Variants in SPATA13 observed in about 807,000 individuals in gnomAD.
The protein encoded by SPATA13 is spermatogenesis associated 13.
In SPATA13, 50 loss-of-function variants were observed where a neutral mutation model predicts 104.0. The observed-to-expected ratio is 0.48, with a 90% CI of 0.38 to 0.61. The LOEUF (loss-of-function observed/expected upper bound fraction) is 0.61, where lower values mean the gene tolerates loss of function less well. Ranked by LOEUF, SPATA13 falls within the 20% of genes least tolerant of loss-of-function variation. The pLI is 0.00. For synonymous variants in SPATA13, 606 were observed against 667.5 expected (o/e 0.91, Z 1.42); for missense variants, 1,524 against 1,690.6 (o/e 0.90, Z 1.73).
At chr13:24,048,752 G>A (rs925589960) in intron 3 of SPATA13, among the ~76,000 whole-genome samples, 1 of 152,094 alleles carries the variant, frequency 6.6e-6, no homozygotes, top group African/African-American at 2.4e-5. Flanking sequence ...CTCTCATAAA[G>A]TGTCCCTAAA....
At chr13:24,040,744 C>T (rs917991601) in intron 3 of SPATA13, among the ~76,000 whole-genome samples, 1 of 152,212 alleles carries the variant, frequency 6.6e-6, no homozygotes, top group African/African-American at 2.4e-5. Context: ...CGCTTCAAGG[C>T]ACCCCAACTT....
chr13:24,243,252 C>A (rs1306400211), intron 2 of SPATA13, among the ~76,000 whole-genome samples: 1 of 152,284 alleles, frequency 6.6e-6, no homozygotes, highest in East Asian at 1.9e-4. Flanking sequence ...CGTTACGGCT[C>A]TTTTAAATCA....
chr13:24,135,879 T>C (rs1261197511), intron 3 of SPATA13, among the ~76,000 whole-genome samples: 1 of 152,134 alleles, frequency 6.6e-6, no homozygotes, highest in Non-Finnish European at 1.5e-5. Flanking sequence ...CAGCCCGACC[T>C]GAGGCAGGCA....
intron 3 of SPATA13, among the ~76,000 whole-genome samples, chr13:24,080,229 C>A (rs1257397586): frequency 6.6e-6 from 1 of 152,190 alleles, no homozygotes; most frequent in African/African-American, 2.4e-5. Flanking sequence ...GTCAAAACAG[C>A]AGCGCCTAGA....
intron 1 of SPATA13, among the ~76,000 whole-genome samples, chr13:24,191,014 C>G (rs988862700): frequency 9.2e-5 from 14 of 152,100 alleles, no homozygotes; most frequent in African/African-American, 3.4e-4. Flanking sequence ...CCAGATCAGT[C>G]AGCAGCCACT....
chr13:24,250,502 T>C (rs1003303746), intron 3 of SPATA13, among the ~76,000 whole-genome samples: 3 of 152,232 alleles, frequency 2.0e-5, no homozygotes, highest in African/African-American at 7.2e-5. Context: ...ACCTTGGCCA[T>C]GGTAAACATT....
At chr13:24,004,578 T>G (rs1451999120) in intron 2 of SPATA13, among the ~76,000 whole-genome samples, 2 of 152,032 alleles carry the variant, frequency 1.3e-5, no homozygotes, top group Non-Finnish European at 2.9e-5. Flanking sequence ...TCCTTGGGAG[T>G]TCTCCTGGGT....
At chr13:24,189,966 A>T (rs187199527) in intron 1 of SPATA13, among the ~76,000 whole-genome samples, 3,243 of 12,570 alleles carry the variant, frequency 0.26, 1,237 homozygotes, top group Non-Finnish European at 0.71. Flanking sequence ...TATAATTATA[A>T]AATATATATT....
At chr13:23,983,984 AC>A in intron 2 of SPATA13, 1 of 980,152 alleles carries the variant, frequency 1.0e-6, no homozygotes, top group African/African-American at 1.7e-5. Flanking sequence ...CTTATTTCTA[AC>A]AAGATACCTA....
At chr13:24,255,149 T>G (rs2138670169) in intron 4 of SPATA13, among the ~76,000 whole-genome samples, 1 of 152,228 alleles carries the variant, frequency 6.6e-6, no homozygotes, top group East Asian at 1.9e-4. Flanking sequence ...TCAGAAAGGC[T>G]TGGGAAGAGT....
At chr13:24,173,544 A>G (rs1175381791) in intron 1 of SPATA13, among the ~76,000 whole-genome samples, 7 of 133,650 alleles carry the variant, frequency 5.2e-5, no homozygotes, top group African/African-American at 5.7e-5. Flanking sequence ...TGCATTGGCT[A>G]TGGCATCCTG....
intron 3 of SPATA13, among the ~76,000 whole-genome samples, chr13:24,095,568 A>T (rs2137795851): frequency 6.6e-6 from 1 of 152,344 alleles, no homozygotes; most frequent in East Asian, 1.9e-4. Flanking sequence ...TTATGATGGT[A>T]AATATGTATA....
chr13:24,115,486 G>A (rs577637001), intron 3 of SPATA13, among the ~76,000 whole-genome samples: 18 of 152,360 alleles, frequency 1.2e-4, no homozygotes, highest in South Asian at 6.2e-4. Context: ...CCGCGCATGC[G>A]AAGGATGTAC....
rs1169860706 is a variant in SPATA13 at position 24,051,084 on chromosome 13, T to G, written c.-112+33383T>G. Among the ~76,000 whole-genome samples, 4 of 152,164 alleles carry G rather than the reference T, an allele frequency of 2.6e-5. No individual in the cohort carries two copies. Among genetic ancestry groups the G allele is most frequent in the Non-Finnish European group, 5.9e-5 (4 of 68,026 alleles). On this transcript the variant is annotated intron_variant, in intron 3 of 14. Coordinates refer to the SPATA13 transcript ENST00000424834. This position sits in a 1 kb window ranked among gnomAD's most constrained non-coding sequence, Gnocchi z 4.2. ...AGCTGTGGGAGCACCTCTTTCCTTC[T>G]CCGGATTTCCCCCACCTTTTATGAA...
rs566451370 is a variant in SPATA13 at position 24,294,162 on chromosome 13, T to G, written c.3081-577T>G. ...AGCGGGGCCCTCCTGGGGAGAACAT[T>G]TTAGCTTGACGTGACTGTGGTGGAC... On this transcript the variant is annotated intron_variant, in intron 9 of 12. Coordinates refer to ENST00000382108, the MANE Select transcript of SPATA13 (RefSeq NM_001166271.3). 3.0e-4 allele frequency among the ~76,000 whole-genome samples: 46 copies of G among 152,262 alleles called. 1 individual carries two copies. In the East Asian group the frequency reaches 8.7e-3, roughly 29 times the overall value.
At chr13:24,010,032 A>C (rs1876399679) in intron 2 of SPATA13, among the ~76,000 whole-genome samples, 1 of 152,154 alleles carries the variant, frequency 6.6e-6, no homozygotes, top group African/African-American at 2.4e-5. Context: ...CATTTTAGGG[A>C]GATATGAGAC....
chr13:24,053,358 C>T (rs9507231), intron 3 of SPATA13, among the ~76,000 whole-genome samples: 2,836 of 152,288 alleles, frequency 0.019, 36 homozygotes, highest in Middle Eastern at 0.048. Flanking sequence ...GCTAAAACTT[C>T]TCAACCACTC....
intron 3 of SPATA13, among the ~76,000 whole-genome samples, chr13:24,133,244 G>A (rs190909969): frequency 6.6e-6 from 1 of 152,288 alleles, no homozygotes; most frequent in Non-Finnish European, 1.5e-5. Flanking sequence ...TCTCTGCACA[G>A]GTTGAAGGGA....
At position 24,021,852 on chromosome 13, in the gene SPATA13, C is replaced by T. The variant is rs551113246; in HGVS notation, c.-112+4151C>T. Among the ~76,000 whole-genome samples, 168 of 151,894 alleles carry T rather than the reference C, an allele frequency of 1.1e-3. 1 individual carries two copies. The highest frequency in any genetic ancestry group is 1.5e-4 in the Non-Finnish European group (10 of 67,966). On this transcript the variant is annotated intron_variant, in intron 3 of 14. Transcript: ENST00000424834. The stretch of plus-strand genomic sequence containing the variant: ...TCAGCCTCCCGAGTAGCTGGGACTA[C>T]AGGCGCCCGCCACCACGCCTGACTA...
Sources: gnomAD v4.1 joint callset for allele counts (sites outside exome capture counted in the v4.1 genomes callset) on GRCh38, gnomAD v4.1.1 for gene constraint, Gnocchi (gnomAD v3.1) non-coding constraint, MANE v1.5 for transcripts, NCBI Gene and HGNC (gene_info 2026-07-23, HGNC 2026-07-21) for gene names.